Variants in PRKD2 observed in about 807,000 individuals in gnomAD.
The protein encoded by PRKD2 is serine/threonine-protein kinase D2.
Under a neutral mutation model 86.0 loss-of-function variants are expected in PRKD2, and 22 were observed. The observed-to-expected ratio is 0.26, with a 90% CI of 0.18 to 0.37. The LOEUF (loss-of-function observed/expected upper bound fraction) is 0.37, where lower values mean the gene tolerates loss of function less well. Among genes scored for constraint, PRKD2 ranks in the 10% least tolerant of loss-of-function variants. The pLI is 1.00. For synonymous variants in PRKD2, 509 were observed against 510.9 expected, an observed-to-expected ratio of 1.00 and a Z score of 0.05; for missense variants, 818 against 1,199.2, an observed-to-expected ratio of 0.68 and a Z score of 4.70.
intron 9 of PRKD2, among the ~76,000 whole-genome samples, chr19:46,694,543 C>G (rs2053529690): frequency 1.3e-5 from 2 of 151,986 alleles, no homozygotes; most frequent in African/African-American, 4.8e-5. Context: ...TGTAATGAGC[C>G]AAGATCGCAC....
At chr19:46,701,573 G>A (rs533240234) in intron 5 of PRKD2, among the ~76,000 whole-genome samples, 3 of 151,752 alleles carry the variant, frequency 2.0e-5, no homozygotes, top group Middle Eastern at 6.8e-3. Flanking sequence ...GGCTGGTTTC[G>A]CGCTCCTGAC....
chr19:46,707,953 C>T (rs981731169), intron 3 of PRKD2, among the ~76,000 whole-genome samples: 4 of 151,950 alleles, frequency 2.6e-5, no homozygotes, highest in Admixed American at 1.3e-4. Context: ...AAAAATTAGC[C>T]GGGCAGTAAT....
chr19:46,681,245 C>T (rs1420241944), intron 15 of PRKD2, among the ~76,000 whole-genome samples: 6 of 149,170 alleles, frequency 4.0e-5, no homozygotes, highest in African/African-American at 4.9e-5. Flanking sequence ...CGTGAGCCAC[C>T]GCACCCAGTC....
intron 14 of PRKD2, chr19:46,689,179 T>C (rs2053447286): frequency 6.7e-6 from 1 of 150,156 alleles, no homozygotes; most frequent in African/African-American, 2.6e-5. Context: ...TGGAGTGCAG[T>C]GGCGCGATCT....
At chr19:46,705,424 C>A (rs1225408231) in intron 3 of PRKD2, among the ~76,000 whole-genome samples, 1 of 152,102 alleles carries the variant, frequency 6.6e-6, no homozygotes, top group African/African-American at 2.4e-5. Flanking sequence ...GTCTGCTCAC[C>A]CCCTGTACCC....
chr19:46,705,858 T>G (rs62134785), intron 3 of PRKD2, among the ~76,000 whole-genome samples: 76,402 of 151,334 alleles, frequency 0.5, 19,688 homozygotes, highest in Middle Eastern at 0.62. Context: ...TGACTTCTTA[T>G]TGTCTTATTT....
intron 12 of PRKD2, 123 bp from the exon 13 acceptor site, chr19:46,690,829 G>T: frequency 1.2e-6 from 1 of 846,836 alleles, no homozygotes; most frequent in Non-Finnish European, 1.9e-6. Context: ...GGGCAGAGTT[G>T]GAAGGCCCCA....
Position 46,716,622 on chromosome 19 carries a change from T to G in PRKD2, c.-252A>C. 1 of 356,676 alleles carries G rather than the reference T, an allele frequency of 2.8e-6. No homozygotes were observed. The highest frequency in any genetic ancestry group is 5.0e-6 in the Non-Finnish European group (1 of 199,804). The allele number at this position is 356,676 out of a possible 1,614,324, so 22.1% of individuals were successfully genotyped here. A position where few individuals can be genotyped will look rare whatever the true frequency, so the allele number is the denominator to read the frequency against. On this transcript the variant is annotated 5_prime_UTR_variant, in exon 1 of 18. Transcript: ENST00000291281. This position sits in a 1 kb window ranked among gnomAD's most constrained non-coding sequence, Gnocchi z 7.9. ...ATCAGAAAGGAGAAAAGTAGTGGGT[T>G]GGAGGTCCCAGCGATTGAGATTCCA...
At chr19:46,702,595 G>A (rs2053651963) in intron 5 of PRKD2, among the ~76,000 whole-genome samples, 1 of 151,950 alleles carries the variant, frequency 6.6e-6, no homozygotes, top group Non-Finnish European at 1.5e-5. Flanking sequence ...TTAGCTCTAG[G>A]CTTCTAAGAT....
intron 10 of PRKD2, among the ~76,000 whole-genome samples, chr19:46,692,622 T>G (rs2053499861): frequency 6.6e-6 from 1 of 151,770 alleles, no homozygotes; most frequent in African/African-American, 2.4e-5. Context: ...CTCACAACTC[T>G]GCCATGGCTC....
At chr19:46,701,632 G>C (rs879564358) in intron 5 of PRKD2, among the ~76,000 whole-genome samples, 12 of 151,058 alleles carry the variant, frequency 7.9e-5, no homozygotes, top group Admixed American at 2.0e-4. Context: ...GGGATTACAG[G>C]CGTGAGCCAC....
chr19:46,704,261 G>C lies in PRKD2; in HGVS notation c.797C>G (p.Thr266Ser). 1 of 1,614,228 alleles carries C rather than the reference G, an allele frequency of 6.2e-7. No homozygotes were observed. The highest frequency in any genetic ancestry group is 8.5e-7 in the Non-Finnish European group (1 of 1,180,038). ...MLLSKVKVPHTFLIHSYTRPT... is the reference protein window; with the variant it reads ...MLLSKVKVPHSFLIHSYTRPT... ...CCGTGTATAGCTGTGGATGAGGAAG[G>C]TGTGCGGCACCTTGACCTTGGAGAG... The change falls in exon 5 of 18, where the codon ACC becomes AGC. Residue 266 changes from threonine (T) to serine (S), a missense_variant. Thr to Ser is a moderately conservative substitution (Grantham distance 58). Coordinates refer to ENST00000291281, the MANE Select transcript of PRKD2 (RefSeq NM_016457.5).
Position 46,678,635 on chromosome 19 carries a change from C to T in PRKD2, c.2099G>A (p.Arg700His), listed in dbSNP as rs1237138259. ...QVKLCDFGFA[R>H]IIGEKSFRRS... ...GCGGAACGACTTCTCGCCGATGATG[C>T]GAGCAAAGCCAAAGTCACACAGCTT... Residue 700 changes from arginine (R) to histidine (H), a missense_variant, in exon 16 of 18, where the codon CGC becomes CAC. By Grantham distance (29) the Arg-to-His change is conservative. This residue lies in a region of PRKD2 where 154 missense variants were observed against 359.6 expected (regional missense o/e 0.43). Transcript: ENST00000291281. This position sits in a 1 kb window ranked among gnomAD's most constrained non-coding sequence, Gnocchi z 5.7. 6.2e-7 allele frequency: 1 copy of T among 1,607,716 alleles called. No individual in the cohort carries two copies. The highest frequency in any genetic ancestry group is 8.5e-7 in the Non-Finnish European group (1 of 1,179,898).
intron 12 of PRKD2, 40 bp downstream of exon 12, chr19:46,691,695 G>A (rs757141842): frequency 2.5e-6 from 4 of 1,601,796 alleles, no homozygotes; most frequent in Admixed American, 3.3e-5. Flanking sequence ...GCTTCCCCCA[G>A]CCCGGGGCTC....
chr19:46,698,976 C>T (rs964778692), intron 7 of PRKD2, among the ~76,000 whole-genome samples: 1 of 152,100 alleles, frequency 6.6e-6, no homozygotes, highest in African/African-American at 2.4e-5. Context: ...CCAGGAAAGA[C>T]GTGGGAGAAA....
intron 14 of PRKD2, 68 bp downstream of exon 14, chr19:46,689,469 C>T: frequency 6.6e-7 from 1 of 1,511,336 alleles, no homozygotes; most frequent in Non-Finnish European, 8.9e-7. Context: ...ACCCCCTAGG[C>T]ATACAGGGCC....
intron 14 of PRKD2, among the ~76,000 whole-genome samples, chr19:46,684,138 T>C (rs183551641): frequency 6.6e-6 from 1 of 152,286 alleles, no homozygotes; most frequent in African/African-American, 2.4e-5. Context: ...TAAAAAAATC[T>C]TTTTGTAGAG....
At chr19:46,697,263 A>C (rs1599828835) in intron 8 of PRKD2, 29 bp from the exon 9 acceptor site, 1 of 1,516,472 alleles carries the variant, frequency 6.6e-7, no homozygotes, top group Non-Finnish European at 9.1e-7. Flanking sequence ...AGTCACGTGA[A>C]CCGCCAGACT....
rs1366843235 is a variant in PRKD2 at position 46,693,498 on chromosome 19, G to A, written c.1576+377C>T. On this transcript the variant is annotated intron_variant, in intron 10 of 17. Transcript: ENST00000291281. This position sits in a 1 kb window ranked among gnomAD's most constrained non-coding sequence, Gnocchi z 4.5. ...GTCTTGCTCTGTCACCCAGACTGGAGTGCAGTGATGCAATCATGACTCACT... is the reference window on the plus strand; with the variant it reads ...GTCTTGCTCTGTCACCCAGACTGGAATGCAGTGATGCAATCATGACTCACT... 6.6e-6 allele frequency among the ~76,000 whole-genome samples: 1 copy of A among 152,098 alleles called. No homozygotes were observed. Among genetic ancestry groups the A allele is most frequent in the Non-Finnish European group, 1.5e-5 (1 of 68,018 alleles).
Sources: gnomAD v4.1 joint callset for allele counts (sites outside exome capture counted in the v4.1 genomes callset) on GRCh38, gnomAD v4.1.1 for gene constraint, gnomAD v4.1.1 regional missense constraint, Gnocchi (gnomAD v3.1) non-coding constraint, MANE v1.5 for transcripts, NCBI Gene and HGNC (gene_info 2026-07-23, HGNC 2026-07-21) for gene names.